Variants in DNAJC1 observed in about 807,000 individuals in gnomAD.
DNAJC1 encodes DnaJ heat shock protein family (Hsp40) member C1.
DNAJC1 carries 58 observed loss-of-function variants against 76.6 expected under a neutral mutation model. The ratio of observed to expected loss-of-function variants is 0.76; its 90% CI spans 0.61 to 0.94. The LOEUF (loss-of-function observed/expected upper bound fraction) is 0.94. Ranked by LOEUF, DNAJC1 falls within the 40% of genes least tolerant of loss-of-function variation. The pLI is 0.00. For synonymous variants in DNAJC1, 258 were observed against 267.9 expected (o/e 0.96, Z 0.36); for missense variants, 689 against 677.3 (o/e 1.02, Z -0.19).
At position 21,932,074 on chromosome 10, in the gene DNAJC1, C is replaced by T. The variant is rs190894428; in HGVS notation, c.223-2933G>A. 6.6e-3 allele frequency among the ~76,000 whole-genome samples: 1,000 copies of T among 152,048 alleles called. 14 individuals carry two copies. Among genetic ancestry groups the T allele is most frequent in the African/African-American group, 0.023 (951 of 41,450 alleles). On this transcript the variant is annotated intron_variant, in intron 1 of 11. Coordinates refer to ENST00000376980, the MANE Select transcript of DNAJC1 (RefSeq NM_022365.4). ...CTCTGAGGCTGGGTGTGGTGGCTCA[C>T]GCCCGTAATCCCAGCACTTTGGAAG...
At chr10:21,991,236 A>G (rs1838321942) in intron 1 of DNAJC1, among the ~76,000 whole-genome samples, 1 of 152,230 alleles carries the variant, frequency 6.6e-6, no homozygotes, top group South Asian at 2.1e-4. Flanking sequence ...TAGGAACTCC[A>G]GTGATTTCCT....
rs149068467 is a variant in DNAJC1, at chr10:21,827,025, T to A, written c.979-20926A>T. Among the ~76,000 whole-genome samples the A allele has an allele frequency of 2.0e-5, 3 of 152,214 alleles. No homozygotes were observed. In the East Asian group the frequency reaches 5.8e-4, roughly 29 times the overall value. On this transcript the variant is annotated intron_variant, in intron 8 of 11. Coordinates refer to ENST00000376980, the MANE Select transcript of DNAJC1 (RefSeq NM_022365.4). ...ATTTTGATGGGGACTGCACCGAATATGATTGCCCTGGGTAGTATTGTCATT... is the reference window on the plus strand; with the variant it reads ...ATTTTGATGGGGACTGCACCGAATAAGATTGCCCTGGGTAGTATTGTCATT...
At chr10:21,865,392 A>G (rs1287291102) in intron 8 of DNAJC1, 1 of 152,154 alleles carries the variant, frequency 6.6e-6, no homozygotes, top group Non-Finnish European at 1.5e-5. Context: ...ACTTAGCACA[A>G]AAAAAGGCAA....
At chr10:21,901,808 T>C (rs1483886409) in intron 7 of DNAJC1, among the ~76,000 whole-genome samples, 5 of 152,188 alleles carry the variant, frequency 3.3e-5, no homozygotes, top group Non-Finnish European at 7.3e-5. Context: ...CTCAATTAAG[T>C]AGATGGAAAT....
At chr10:21,851,732 C>T (rs1214084083) in intron 8 of DNAJC1, among the ~76,000 whole-genome samples, 2 of 152,082 alleles carry the variant, frequency 1.3e-5, no homozygotes, top group African/African-American at 4.8e-5. Context: ...ACAGCCCAAA[C>T]ATTTATCAAT....
intron 9 of DNAJC1, among the ~76,000 whole-genome samples, chr10:21,770,209 A>G (rs779803216): frequency 1.1e-4 from 17 of 152,092 alleles, no homozygotes; most frequent in Non-Finnish European, 1.8e-4. Flanking sequence ...CCAAACTAAT[A>G]TAACACTTTC....
At chr10:21,758,132 T>A (rs1365185852) in intron 11 of DNAJC1, among the ~76,000 whole-genome samples, 3 of 152,124 alleles carry the variant, frequency 2.0e-5, no homozygotes, top group African/African-American at 7.2e-5. Flanking sequence ...CATTTTAAAG[T>A]AGGTGGAGAA....
chr10:21,855,356 G>T (rs1327249589), intron 8 of DNAJC1, among the ~76,000 whole-genome samples: 1 of 152,022 alleles, frequency 6.6e-6, no homozygotes, highest in Non-Finnish European at 1.5e-5. Flanking sequence ...TAGAGACAAG[G>T]TTTAGAGAAA....
At chr10:21,766,491 T>C (rs1270754607) in intron 9 of DNAJC1, among the ~76,000 whole-genome samples, 182 bp from the exon 10 acceptor site, 2 of 152,120 alleles carry the variant, frequency 1.3e-5, no homozygotes, top group African/African-American at 4.8e-5. Flanking sequence ...CCCAGAGAGA[T>C]TAAATGGATA....
At chr10:21,910,872 G>GAGAGC in intron 6 of DNAJC1, among the ~76,000 whole-genome samples, 1 of 143,484 alleles carries the variant, frequency 7.0e-6, no homozygotes, top group Admixed American at 7.0e-5. Flanking sequence ...GAGAGGAGAG[G>GAGAGC]AGAGGAGAGG....
intron 7 of DNAJC1, among the ~76,000 whole-genome samples, chr10:21,894,469 G>A (rs995591671): frequency 9.9e-5 from 15 of 152,142 alleles, no homozygotes; most frequent in Non-Finnish European, 1.9e-4. Flanking sequence ...TACTTGGGAG[G>A]CTAAGGCAAG....
intron 8 of DNAJC1, among the ~76,000 whole-genome samples, chr10:21,811,575 C>T (rs1379406585): frequency 1.3e-5 from 2 of 152,154 alleles, no homozygotes; most frequent in African/African-American, 2.4e-5. Flanking sequence ...CAAAATTAAA[C>T]TTTTAGTCTT....
At chr10:21,944,780 T>C (rs1334354747) in intron 1 of DNAJC1, among the ~76,000 whole-genome samples, 1 of 152,074 alleles carries the variant, frequency 6.6e-6, no homozygotes, top group African/African-American at 2.4e-5. Context: ...AAATAAAAAA[T>C]AAACAGGAAA....
chr10:21,875,041 C>T (rs187542854), intron 8 of DNAJC1, among the ~76,000 whole-genome samples: 24 of 152,156 alleles, frequency 1.6e-4, no homozygotes, highest in African/African-American at 4.1e-4. Context: ...CCACCACACA[C>T]GGCTATTTTT....
intron 8 of DNAJC1, among the ~76,000 whole-genome samples, chr10:21,811,394 C>G (rs559250049): frequency 3.3e-5 from 5 of 152,212 alleles, no homozygotes; most frequent in Admixed American, 3.3e-4. Context: ...TTGAATGGGG[C>G]CCCTTTTAAG....
At chr10:21,907,304 C>T (rs1046725241) in intron 6 of DNAJC1, among the ~76,000 whole-genome samples, 1 of 151,790 alleles carries the variant, frequency 6.6e-6, no homozygotes, top group Non-Finnish European at 1.5e-5. Flanking sequence ...TTTAAACATT[C>T]CTCATGTTTT....
rs1834203145 is a variant in DNAJC1 at position 21,758,548 on chromosome 10, C to A, written c.1596+622G>T. On this transcript the variant is annotated intron_variant, in intron 11 of 11. Coordinates refer to ENST00000376980, the MANE Select transcript of DNAJC1 (RefSeq NM_022365.4). ...AGCAGGGAGAAAGGCCAACTACAAACGGCCACGGCCGTGGAAAGTAAGCCG... is the reference window on the plus strand; with the variant it reads ...AGCAGGGAGAAAGGCCAACTACAAAAGGCCACGGCCGTGGAAAGTAAGCCG... 2.6e-5 allele frequency among the ~76,000 whole-genome samples: 4 copies of A among 152,356 alleles called. No individual in the cohort carries two copies. The South Asian group carries it at 8.3e-4, about 32-fold the overall frequency.
intron 9 of DNAJC1, among the ~76,000 whole-genome samples, chr10:21,786,821 T>G (rs1834617744): frequency 6.6e-6 from 1 of 152,144 alleles, no homozygotes; most frequent in African/African-American, 2.4e-5. Flanking sequence ...TACCTGATAT[T>G]GCTGTTAATG....
At chr10:21,865,502 G>T (rs1835983876) in intron 8 of DNAJC1, 1 of 152,186 alleles carries the variant, frequency 6.6e-6, no homozygotes, top group East Asian at 1.9e-4. Flanking sequence ...TACATAATAT[G>T]CAGAGCAAGA....
Sources: allele counts gnomAD v4.1 joint callset (sites outside exome capture counted in the v4.1 genomes callset), GRCh38; gene constraint gnomAD v4.1.1; transcripts MANE v1.5; gene names NCBI Gene and HGNC (gene_info 2026-07-23, HGNC 2026-07-21).